Variants in EFCAB6 observed in about 807,000 individuals in gnomAD.
The protein encoded by EFCAB6 is EF-hand calcium-binding domain-containing protein 6.
In EFCAB6, 156 loss-of-function variants were observed where a neutral mutation model predicts 169.8. The ratio of observed to expected loss-of-function variants is 0.92; its 90% confidence interval spans 0.81 to 1.05. The LOEUF is 1.05. Among genes scored for constraint, EFCAB6 ranks in the 50% least tolerant of loss-of-function variants. EFCAB6 has a pLI of 0.00. For synonymous variants in EFCAB6, 698 were observed against 676.4 expected (o/e 1.03, Z -0.50); for missense variants, 1,800 against 1,829.1 (o/e 0.98, Z 0.29).
chr22:43,612,784 C>T (rs1418261293), intron 21 of EFCAB6, among the ~76,000 whole-genome samples: 2 of 151,972 alleles, frequency 1.3e-5, no homozygotes, highest in Non-Finnish European at 2.9e-5. Flanking sequence ...GTCCGAGCTA[C>T]TCAGGAGGCT....
At chr22:43,531,772 G>A (rs768681166) in intron 30 of EFCAB6, among the ~76,000 whole-genome samples, 26 of 152,132 alleles carry the variant, frequency 1.7e-4, no homozygotes, top group Non-Finnish European at 3.5e-4. Flanking sequence ...TCCACAGGTG[G>A]GGAAGAGAGG....
intron 2 of EFCAB6, among the ~76,000 whole-genome samples, chr22:43,799,129 C>G (rs149169467): frequency 6.6e-5 from 10 of 151,844 alleles, no homozygotes; most frequent in African/African-American, 2.4e-4. Context: ...AAGTTCAAGA[C>G]TAGCATGGGC....
At chr22:43,737,173 C>T (rs911099246) in intron 6 of EFCAB6, among the ~76,000 whole-genome samples, 2 of 152,074 alleles carry the variant, frequency 1.3e-5, no homozygotes, top group South Asian at 2.1e-4. Context: ...AGAGAATGGG[C>T]ACACCTCCCT....
chr22:43,660,354 G>A (rs553690063), intron 17 of EFCAB6, among the ~76,000 whole-genome samples: 17 of 152,158 alleles, frequency 1.1e-4, no homozygotes, highest in African/African-American at 3.9e-4. Flanking sequence ...CTGGTGCCAT[G>A]CTAAGTGTAC....
intron 9 of EFCAB6, among the ~76,000 whole-genome samples, chr22:43,715,202 A>G (rs1452272949): frequency 6.6e-6 from 1 of 152,172 alleles, no homozygotes; most frequent in Admixed American, 6.5e-5. Flanking sequence ...GCGGGAAGGA[A>G]ATGTTCATCC....
In EFCAB6 at chr22:43,635,230, CA is replaced by C. The variant is rs1313618458; in HGVS notation, c.1984-15del. 7.5e-6 allele frequency: 12 copies of C among 1,605,738 alleles called. No homozygotes were observed. Among genetic ancestry groups the C allele is most frequent in the African/African-American group, 1.3e-5 (1 of 74,854 alleles). ...GTCTTCCAGTACCTGACGAGGGAGA[CA>C]GGGGAGGGTGGAGAGGCGTTAGGTG... On this transcript the variant is annotated splice_polypyrimidine_tract_variant and intron_variant, in intron 17 of 31. Transcript: ENST00000262726.
At chr22:43,718,075 T>C (rs1330333483) in intron 8 of EFCAB6, among the ~76,000 whole-genome samples, 1 of 151,466 alleles carries the variant, frequency 6.6e-6, no homozygotes, top group East Asian at 1.9e-4. Context: ...CATCCATCCA[T>C]CCATCCATCC....
chr22:43,676,828 TTGA>T (rs1218750286), intron 13 of EFCAB6, among the ~76,000 whole-genome samples: 1 of 152,202 alleles, frequency 6.6e-6, no homozygotes, highest in African/African-American at 2.4e-5. Context: ...AAAGGATTTA[TTGA>T]TGATGAATAA....
chr22:43,617,272 T>C (rs2053758817), intron 20 of EFCAB6, among the ~76,000 whole-genome samples: 1 of 152,226 alleles, frequency 6.6e-6, no homozygotes, highest in Admixed American at 6.5e-5. Context: ...CCTTCACTTT[T>C]AGACTCCTCC....
chr22:43,656,183 G>A (rs570208340), intron 17 of EFCAB6, among the ~76,000 whole-genome samples: 89 of 152,222 alleles, frequency 5.8e-4, no homozygotes, highest in Middle Eastern at 6.8e-3. Flanking sequence ...CTGAGGTCAG[G>A]AGTTTGATAC....
At chr22:43,564,444 T>G (rs1354694307) in intron 26 of EFCAB6, among the ~76,000 whole-genome samples, 1 of 142,684 alleles carries the variant, frequency 7.0e-6, no homozygotes, top group Non-Finnish European at 1.5e-5. Context: ...CAAAACTATG[T>G]CTCAGAAAAA....
intron 6 of EFCAB6, among the ~76,000 whole-genome samples, chr22:43,754,439 A>G (rs985966866): frequency 1.3e-5 from 2 of 152,186 alleles, no homozygotes; most frequent in African/African-American, 4.8e-5. Context: ...TTTGGGCTAC[A>G]GTCTGTGCTG....
At chr22:43,638,824 T>C (rs1451899675) in intron 17 of EFCAB6, among the ~76,000 whole-genome samples, 1 of 150,182 alleles carries the variant, frequency 6.7e-6, no homozygotes, top group Non-Finnish European at 1.5e-5. Context: ...TCGCTCTTGT[T>C]GCCCAGGCTG....
At chr22:43,788,052 C>T (rs1569489817) in intron 2 of EFCAB6, among the ~76,000 whole-genome samples, 1 of 152,084 alleles carries the variant, frequency 6.6e-6, no homozygotes, top group Non-Finnish European at 1.5e-5. Flanking sequence ...AGTTGGCCCC[C>T]TAGCTCACAC....
Position 43,731,681 on chromosome 22 carries a change from T to C in EFCAB6, c.757+18A>G. 1.4e-6 allele frequency: 2 copies of C among 1,477,390 alleles called. No homozygotes were observed. Among genetic ancestry groups the C allele is most frequent in the Non-Finnish European group, 1.8e-6 (2 of 1,081,570 alleles). 91.5% of individuals were successfully genotyped at this position (1,477,390 alleles called of 1,614,324 possible). A position where few individuals can be genotyped will look rare whatever the true frequency, so the allele number is the denominator to read the frequency against. ...AAAGATATTGAAATCTTTAGCTATA[T>C]ACTTTAAAAATACTTACCTTGATTT... On this transcript the variant is annotated intron_variant, in intron 8 of 31. Coordinates refer to ENST00000262726, the MANE Select transcript of EFCAB6 (RefSeq NM_022785.4).
chr22:43,658,813 C>G (rs1181380337), intron 17 of EFCAB6, among the ~76,000 whole-genome samples: 1 of 152,156 alleles, frequency 6.6e-6, no homozygotes, highest in African/African-American at 2.4e-5. Context: ...CAATACAAAG[C>G]TGGTCATCCC....
Position 43,784,502 on chromosome 22 carries a change from A to AAT in EFCAB6, c.-7-2179_-7-2178dup, listed in dbSNP as rs1556409780. On this transcript the variant is annotated intron_variant, in intron 2 of 31. Coordinates refer to ENST00000262726, the MANE Select transcript of EFCAB6 (RefSeq NM_022785.4). The stretch of plus-strand genomic sequence containing the variant: ...CCTGTCTCTACCAAAAAAAAAAAAA[A>AAT]ATATATATATGTGTGTGTGTGTGTG... Among the ~76,000 whole-genome samples, 837 of 86,808 alleles carry AAT rather than the reference A, an allele frequency of 9.6e-3. 34 individuals carry two copies. The highest frequency in any genetic ancestry group is 0.031 in the African/African-American group (796 of 25,304). 56.9% of individuals were successfully genotyped at this position (86,808 alleles called of 152,430 possible). A position where few individuals can be genotyped will look rare whatever the true frequency, so the allele number is the denominator to read the frequency against.
intron 16 of EFCAB6, among the ~76,000 whole-genome samples, chr22:43,668,566 A>G (rs1179105948): frequency 1.3e-5 from 2 of 152,188 alleles, no homozygotes; most frequent in East Asian, 3.8e-4. Context: ...GAAGTTACAG[A>G]TTGTCCCTGG....
intron 6 of EFCAB6, among the ~76,000 whole-genome samples, chr22:43,738,931 AG>A (rs955956709): frequency 1.3e-5 from 2 of 152,186 alleles, no homozygotes; most frequent in Non-Finnish European, 2.9e-5. Flanking sequence ...ACCTATGGCC[AG>A]GTGGGGCCAC....
Sources: allele counts gnomAD v4.1 joint callset (sites outside exome capture counted in the v4.1 genomes callset), GRCh38; gene constraint gnomAD v4.1.1; transcripts MANE v1.5; gene names NCBI Gene and HGNC (gene_info 2026-07-23, HGNC 2026-07-21).